The following UNC13B variants were observed in gnomAD, a reference collection of about 807,000 sequenced individuals.
UNC13B encodes the protein unc-13 homolog B, also known as protein unc-13 homolog B.
Under a neutral mutation model 211.0 loss-of-function variants are expected in UNC13B, and 144 were observed. The ratio of observed to expected loss-of-function variants is 0.68; its 90% confidence interval spans 0.60 to 0.78. The LOEUF is 0.78. Among genes scored for constraint, UNC13B ranks in the 30% least tolerant of loss-of-function variants. UNC13B has a pLI of 0.00. For synonymous variants in UNC13B, 709 were observed against 725.8 expected (o/e 0.98, Z 0.37); for missense variants, 1,777 against 2,002.0 (o/e 0.89, Z 2.14).
At chr9:35,352,895 G>A (rs1832806683) in intron 11 of UNC13B, 1 of 1,232,174 alleles carries the variant, frequency 8.1e-7, no homozygotes, top group South Asian at 4.1e-5. Context: ...AGCATGTAAA[G>A]TAGGAAAACC....
At position 35,405,113 on chromosome 9, in the gene UNC13B, CAG is replaced by C. The variant is rs1454485998; in HGVS notation, c.*1085_*1086del. The C allele has an allele frequency of 1.3e-5, 2 of 152,636 alleles. No individual in the cohort carries two copies. The highest frequency in any genetic ancestry group is 2.9e-5 in the Non-Finnish European group (2 of 68,078). 9.5% of individuals were successfully genotyped at this position (152,636 alleles called of 1,614,324 possible). ...CTGGGAGGTCAGAGACAAACTGTTT[CAG>C]AGAGTCAGATGGACTTCCCAAGACT... On this transcript the variant is annotated 3_prime_UTR_variant, in exon 40 of 40. Coordinates refer to ENST00000635942, the MANE Select transcript of UNC13B (RefSeq NM_001371189.2).
At position 35,300,441 on chromosome 9, in the gene UNC13B, G is replaced by A. The variant is rs1829617114; in HGVS notation, c.1037G>A (p.Ser346Asn). The A allele has an allele frequency of 2.5e-6, 1 of 398,894 alleles. No homozygotes were observed. Among genetic ancestry groups the A allele is most frequent in the Admixed American group, 4.4e-5 (1 of 22,718 alleles). The allele number at this position is 398,894 out of a possible 1,614,324, so 24.7% of individuals were successfully genotyped here. A position where few individuals can be genotyped will look rare whatever the true frequency, so the allele number is the denominator to read the frequency against. Residue 346 changes from serine (S) to asparagine (N), a missense_variant, in exon 9 of 40, where the codon AGT (serine) becomes AAT (asparagine). Ser to Asn is a conservative substitution (Grantham distance 46). Coordinates refer to ENST00000635942, the MANE Select transcript of UNC13B (RefSeq NM_001371189.2). ...GAAAGTCATGATTATGATCTGTCCA[G>A]TTGTTTAAGGCACTGTGAAAAGTCA... ...KLESHDYDLS[S>N]CLRHCEKSSG...
At chr9:35,298,612 A>G (rs1275497123) in intron 8 of UNC13B, among the ~76,000 whole-genome samples, 1 of 152,048 alleles carries the variant, frequency 6.6e-6, no homozygotes, top group Admixed American at 6.5e-5. Flanking sequence ...GAGCCACTGC[A>G]CCTGGCCTTC....
intron 7 of UNC13B, among the ~76,000 whole-genome samples, chr9:35,280,107 C>T (rs1250747782): frequency 1.3e-5 from 2 of 152,004 alleles, no homozygotes; most frequent in Non-Finnish European, 2.9e-5. Context: ...CCTTTGATTT[C>T]ATTTTCAATA....
intron 1 of UNC13B, among the ~76,000 whole-genome samples, chr9:35,183,730 G>GGGT (rs1822141489): frequency 7.5e-6 from 1 of 133,372 alleles, no homozygotes; most frequent in Non-Finnish European, 1.6e-5. Context: ...TTCCCAGACG[G>GGGT]GGCAGCCGGG....
intron 1 of UNC13B, among the ~76,000 whole-genome samples, chr9:35,226,548 G>C (rs150139295): frequency 6.6e-6 from 1 of 152,216 alleles, no homozygotes; most frequent in African/African-American, 2.4e-5. Context: ...TAGGGAAGCC[G>C]ACAGTGCAGC....
rs1829820394 is a variant in UNC13B at position 35,304,218 on chromosome 9, C to A, written c.4814C>A (p.Pro1605Gln). The change falls in exon 9 of 40, where the codon CCA (proline) becomes CAA (glutamine). Residue 1605 changes from proline (P) to glutamine (Q), a missense_variant. Pro to Gln is a moderately conservative substitution (Grantham distance 76). Coordinates refer to ENST00000635942, the MANE Select transcript of UNC13B (RefSeq NM_001371189.2). ...DEIFWYVEEEPIDDPLDLSLA... is the reference protein window; with the variant it reads ...DEIFWYVEEEQIDDPLDLSLA... ...ATATTTTGGTATGTTGAAGAGGAAC[C>A]AATTGATGACCCTCTTGATTTATCT... The A allele has an allele frequency of 5.0e-6, 2 of 398,554 alleles. No homozygotes were observed. The highest frequency in any genetic ancestry group is 4.4e-5 in the Admixed American group (1 of 22,680). The allele number at this position is 398,554 out of a possible 1,614,324, so 24.7% of individuals were successfully genotyped here.
intron 7 of UNC13B, among the ~76,000 whole-genome samples, chr9:35,287,736 A>T (rs937774440): frequency 6.6e-6 from 1 of 152,202 alleles, no homozygotes; most frequent in Non-Finnish European, 1.5e-5. Flanking sequence ...GGTGCTGAGG[A>T]TACAGCAAAA....
chr9:35,379,445 C>G (rs746789261), intron 17 of UNC13B, among the ~76,000 whole-genome samples: 47 of 149,852 alleles, frequency 3.1e-4, no homozygotes, highest in Admixed American at 1.1e-3. Flanking sequence ...GAGACTCCGT[C>G]TAAAAAAAGA....
intron 24 of UNC13B, among the ~76,000 whole-genome samples, chr9:35,387,438 T>C (rs1248578942): frequency 6.6e-6 from 1 of 152,236 alleles, no homozygotes; most frequent in African/African-American, 2.4e-5. Context: ...TTAAGGCTTC[T>C]TCCTTTTAAG....
At chr9:35,319,298 G>A (rs1427154555) in intron 11 of UNC13B, among the ~76,000 whole-genome samples, 1 of 150,410 alleles carries the variant, frequency 6.6e-6, no homozygotes, top group Non-Finnish European at 1.5e-5. Flanking sequence ...AGCTACTTGG[G>A]AGGCTGAGGC....
chr9:35,314,275 C>A (rs774026491), intron 11 of UNC13B, among the ~76,000 whole-genome samples: 2 of 151,976 alleles, frequency 1.3e-5, no homozygotes, highest in African/African-American at 2.4e-5. Context: ...GAGTTTAGGG[C>A]GAGTTTAGGG....
At chr9:35,352,145 G>A in intron 11 of UNC13B, 1 of 1,232,236 alleles carries the variant, frequency 8.1e-7, no homozygotes. Flanking sequence ...GGGTGAAAAG[G>A]CCCAGGAACC....
intron 25 of UNC13B, 94 bp downstream of exon 25, chr9:35,390,067 G>A: frequency 6.4e-7 from 1 of 1,562,912 alleles, no homozygotes; most frequent in Non-Finnish European, 8.7e-7. Flanking sequence ...TGTTTGCAGT[G>A]CCACCTCTTC....
Position 35,398,626 on chromosome 9 carries a change from A to G in UNC13B, c.11905A>G (p.Met3969Val), listed in dbSNP as rs370611811. Residue 3969 changes from methionine (M) to valine (V), a missense_variant, in exon 32 of 40, where the codon ATG becomes GTG. By Grantham distance (21) the Met-to-Val change is conservative. Coordinates refer to ENST00000635942, the MANE Select transcript of UNC13B (RefSeq NM_001371189.2). The part of the protein sequence containing the change: ...KLNTVLDELS[M>V]VFGNSFQVRI... ...GAATACGGTTCTGGATGAGCTCAGC[A>G]TGGTGTTTGGAAACAGGTCAGTGAC... 5 of 1,613,900 alleles carry G rather than the reference A, an allele frequency of 3.1e-6. No homozygotes were observed. The African/African-American group carries it at 6.7e-5, about 22-fold the overall frequency.
At chr9:35,328,651 CCTT>C (rs1564139487) in intron 11 of UNC13B, among the ~76,000 whole-genome samples, 2 of 113,630 alleles carry the variant, frequency 1.8e-5, no homozygotes, top group South Asian at 3.0e-4. Context: ...TTCCTTCCTT[CCTT>C]CCTTCCTTCC....
At chr9:35,209,492 C>T (rs1353027536) in intron 1 of UNC13B, among the ~76,000 whole-genome samples, 1 of 152,162 alleles carries the variant, frequency 6.6e-6, no homozygotes, top group Non-Finnish European at 1.5e-5. Flanking sequence ...ATTCTCCTGC[C>T]TCAGCCTCCT....
At chr9:35,367,076 ACCAGCTTCAT>A in intron 12 of UNC13B, 83 bp downstream of exon 12, 4 of 1,378,550 alleles carry the variant, frequency 2.9e-6, no homozygotes, top group African/African-American at 2.8e-5. Flanking sequence ...AAGCAGGGGA[ACCAGCTTCAT>A]AAGCTGCATC....
At chr9:35,271,390 C>A (rs1827871662) in intron 7 of UNC13B, among the ~76,000 whole-genome samples, 1 of 152,136 alleles carries the variant, frequency 6.6e-6, no homozygotes, top group African/African-American at 2.4e-5. Context: ...AGCCTCAGTA[C>A]ATCATGTTTA....
Sources: gnomAD v4.1 joint callset for allele counts (sites outside exome capture counted in the v4.1 genomes callset) on GRCh38, gnomAD v4.1.1 for gene constraint, MANE v1.5 for transcripts, NCBI Gene and HGNC (gene_info 2026-07-23, HGNC 2026-07-21) for gene names.